GLDN: variants seen among roughly 807,000 people sequenced by gnomAD.
GLDN encodes the protein collomin.
A neutral mutation model predicts 56.5 loss-of-function variants in GLDN; 47 were observed. The ratio of observed to expected loss-of-function variants is 0.83; its 90% confidence interval spans 0.66 to 1.06. GLDN has a LOEUF of 1.06. Ranked by LOEUF, GLDN falls within the 50% of genes least tolerant of loss-of-function variation. The probability of loss-of-function intolerance (pLI) is 0.00; values close to 1 mark genes in which losing one functional copy is unlikely to be tolerated. For synonymous variants in GLDN, 332 were observed against 278.8 expected (o/e 1.19, Z -1.90); for missense variants, 782 against 714.3 (o/e 1.09, Z -1.08).
chr15:51,362,811 C>T (rs930056418), intron 1 of GLDN, among the ~76,000 whole-genome samples: 2 of 152,084 alleles, frequency 1.3e-5, no homozygotes, highest in Admixed American at 1.3e-4. Context: ...ATGATAGTGG[C>T]TTAGACCAAG....
chr15:51,383,350 A>G (rs1019730523), intron 2 of GLDN, 86 bp from the exon 3 acceptor site: 2 of 1,397,216 alleles, frequency 1.4e-6, no homozygotes, highest in East Asian at 2.3e-5. Flanking sequence ...GGGTCAGTAG[A>G]TAATTAGGAG....
intron 2 of GLDN, among the ~76,000 whole-genome samples, chr15:51,380,287 G>A (rs2037729427): frequency 6.6e-6 from 1 of 152,232 alleles, no homozygotes; most frequent in Non-Finnish European, 1.5e-5. Context: ...CCCCTTGTGA[G>A]GTGAAACCCT....
At chr15:51,356,069 T>C (rs1365966623) in intron 1 of GLDN, among the ~76,000 whole-genome samples, 1 of 150,726 alleles carries the variant, frequency 6.6e-6, no homozygotes, top group African/African-American at 2.4e-5. Flanking sequence ...TAGCCGGGCG[T>C]GGTGGTGCGT....
At chr15:51,375,205 A>G (rs1251532140) in intron 1 of GLDN, among the ~76,000 whole-genome samples, 3 of 152,254 alleles carry the variant, frequency 2.0e-5, no homozygotes, top group Admixed American at 2.0e-4. Flanking sequence ...ACATCAAAAC[A>G]TGGCATTTTG....
At chr15:51,387,326 A>G (rs1407959907) in intron 4 of GLDN, among the ~76,000 whole-genome samples, 4 of 152,222 alleles carry the variant, frequency 2.6e-5, no homozygotes, top group Non-Finnish European at 1.5e-5. Flanking sequence ...AGAGGCCAAC[A>G]TCCACAGTCA....
chr15:51,411,213 C>A (rs184043551), downstream of GLDN, among the ~76,000 whole-genome samples: 1 of 152,342 alleles, frequency 6.6e-6, no homozygotes, highest in Non-Finnish European at 1.5e-5. Flanking sequence ...GGCCTCCTAA[C>A]CCGCTCCTTA....
chr15:51,365,947 T>G (rs566629496), intron 1 of GLDN, among the ~76,000 whole-genome samples: 1 of 152,322 alleles, frequency 6.6e-6, no homozygotes, highest in East Asian at 1.9e-4. Context: ...GCCTGTCCCC[T>G]TTAAGAAACA....
chr15:51,392,654 G>A (rs1219438653), intron 4 of GLDN, among the ~76,000 whole-genome samples: 1 of 141,910 alleles, frequency 7.0e-6, no homozygotes, highest in Non-Finnish European at 1.5e-5. Flanking sequence ...AAAAGGTTGG[G>A]AACCACTGTT....
At position 51,404,818 on chromosome 15, in the gene GLDN, A is replaced by G; in HGVS notation, c.*64A>G. 2 of 817,402 alleles carry G rather than the reference A, an allele frequency of 2.4e-6. No individual in the cohort carries two copies. Among genetic ancestry groups the G allele is most frequent in the Non-Finnish European group, 2.0e-6 (1 of 497,392 alleles). 50.6% of individuals were successfully genotyped at this position (817,402 alleles called of 1,614,324 possible). On this transcript the variant is annotated 3_prime_UTR_variant, in exon 10 of 10. Coordinates refer to ENST00000335449, the MANE Select transcript of GLDN (RefSeq NM_181789.4). The stretch of plus-strand genomic sequence containing the variant: ...TTTCTGGGACCAGTTCTCCCCCAAC[A>G]GGAAACTTGTTTTTTTAACGTCAGC...
At chr15:51,387,627 A>C (rs1595830240) in intron 4 of GLDN, among the ~76,000 whole-genome samples, 1 of 152,164 alleles carries the variant, frequency 6.6e-6, no homozygotes. Context: ...TAGAGAAGGA[A>C]GGGCTGTCAT....
Position 51,394,902 on chromosome 15 carries a change from G to A in GLDN, c.609G>A (p.Leu203=), listed in dbSNP as rs1408058932. 2 of 1,613,210 alleles carry A rather than the reference G, an allele frequency of 1.2e-6. No individual in the cohort carries two copies. Among genetic ancestry groups the A allele is most frequent in the Admixed American group, 1.7e-5 (1 of 59,896 alleles). Residue 203 remains leucine (L), a synonymous_variant, in exon 5 of 10, where the codon CTG becomes CTA. Coordinates refer to ENST00000335449, the MANE Select transcript of GLDN (RefSeq NM_181789.4). ...GEKGDHGELG[L]QGNEGPPGQK... is the part of the protein sequence containing the mutation. ...AGGGAGACCATGGTGAACTGGGCCT[G>A]CAGGGAAATGAGGGCCCACCAGGGC... is the stretch of plus-strand genomic sequence containing the variant.
downstream of GLDN, among the ~76,000 whole-genome samples, chr15:51,408,371 C>T (rs148430737): frequency 5.9e-5 from 9 of 152,238 alleles, no homozygotes; most frequent in East Asian, 1.5e-3. Context: ...TCTCTTAATC[C>T]CTCAGAGCCT....
intron 1 of GLDN, among the ~76,000 whole-genome samples, chr15:51,361,470 A>C (rs1017174074): frequency 3.3e-5 from 5 of 152,166 alleles, no homozygotes; most frequent in African/African-American, 1.2e-4. Flanking sequence ...GGTGGGTCCT[A>C]GAACATTAAA....
In GLDN at chr15:51,341,723, T is replaced by C. The variant is rs761828725; in HGVS notation, c.39T>C (p.Gly13=). 1 of 1,446,188 alleles carries C rather than the reference T, an allele frequency of 6.9e-7. No individual in the cohort carries two copies. Among genetic ancestry groups the C allele is most frequent in the East Asian group, 2.9e-5 (1 of 35,082 alleles). The allele number at this position is 1,446,188 out of a possible 1,614,324, so 89.6% of individuals were successfully genotyped here. The part of the protein sequence containing the change: ...RGAEGGRGDA[G]WGLRGALAAV... ...CTGAGGGAGGCCGTGGGGACGCGGGTTGGGGCCTGCGTGGCGCCCTGGCGG... is the reference window on the plus strand; with the variant it reads ...CTGAGGGAGGCCGTGGGGACGCGGGCTGGGGCCTGCGTGGCGCCCTGGCGG... The change falls in exon 1 of 10, where the codon GGT becomes GGC. Residue 13 remains glycine, a synonymous_variant. Transcript: ENST00000335449.
At chr15:51,382,991 C>T (rs914350147) in intron 2 of GLDN, among the ~76,000 whole-genome samples, 1 of 152,134 alleles carries the variant, frequency 6.6e-6, no homozygotes, top group African/African-American at 2.4e-5. Context: ...ACTCCCGACT[C>T]CCCCCAGTGG....
chr15:51,350,461 C>A (rs1180809823), intron 1 of GLDN, among the ~76,000 whole-genome samples: 1 of 152,250 alleles, frequency 6.6e-6, no homozygotes, highest in Non-Finnish European at 1.5e-5. Context: ...GTTTCCGTGG[C>A]CCTTCTCACT....
chr15:51,343,866 C>T (rs1051410938), intron 1 of GLDN, among the ~76,000 whole-genome samples: 5 of 152,216 alleles, frequency 3.3e-5, no homozygotes, highest in Non-Finnish European at 7.3e-5. Context: ...CCTATAGAAT[C>T]CTCTCCAGAA....
intron 1 of GLDN, among the ~76,000 whole-genome samples, chr15:51,362,484 TAAAAAAAA>T (rs59898719): frequency 7.6e-6 from 1 of 131,870 alleles, no homozygotes; most frequent in African/African-American, 2.7e-5. Flanking sequence ...GACTCTGTCT[TAAAAAAAA>T]AAAAAAAAAA....
rs150153128 is a variant in GLDN, at chr15:51,359,704, C to T, written c.363+17657C>T. Among the ~76,000 whole-genome samples, 1,422 of 152,210 alleles carry T rather than the reference C, an allele frequency of 9.3e-3. 24 individuals carry two copies. Among genetic ancestry groups the T allele is most frequent in the African/African-American group, 0.032 (1,342 of 41,522 alleles). The stretch of plus-strand genomic sequence containing the variant: ...TAAGAATGCATACCTCAGCCAGGCG[C>T]GGTGGCTCATGCCTGTAATCCCAGC... On this transcript the variant is annotated intron_variant, in intron 1 of 9. Transcript: ENST00000335449.
Sources: allele counts gnomAD v4.1 joint callset (sites outside exome capture counted in the v4.1 genomes callset), GRCh38; gene constraint gnomAD v4.1.1; transcripts MANE v1.5; gene names NCBI Gene and HGNC (gene_info 2026-07-23, HGNC 2026-07-21).